BCAR3: variants seen among roughly 807,000 people sequenced by gnomAD.
BCAR3 encodes BCAR3 adaptor protein, NSP family member.
A neutral mutation model predicts 80.1 loss-of-function variants in BCAR3; 37 were observed. The ratio of observed to expected loss-of-function variants is 0.46; its 90% CI spans 0.36 to 0.61. The LOEUF (loss-of-function observed/expected upper bound fraction) is 0.61. Among genes scored for constraint, BCAR3 ranks in the 20% least tolerant of loss-of-function variants. The pLI is 0.00. For missense variants in BCAR3, 978 were observed against 1,068.2 expected, an observed-to-expected ratio of 0.92 and a Z score of 1.18; for synonymous variants, 389 against 418.9, an observed-to-expected ratio of 0.93 and a Z score of 0.87.
intron 3 of BCAR3, among the ~76,000 whole-genome samples, chr1:93,616,019 A>G (rs564925284): frequency 3.3e-5 from 5 of 152,338 alleles, no homozygotes; most frequent in African/African-American, 9.6e-5. Context: ...AATGAAATGC[A>G]TTCCTGAAAG....
chr1:93,759,511 G>A (rs1651859062), intron 2 of BCAR3, among the ~76,000 whole-genome samples: 1 of 152,146 alleles, frequency 6.6e-6, no homozygotes, highest in East Asian at 1.9e-4. Context: ...GTGGAGCAGA[G>A]AGTACCATTG....
chr1:93,638,220 G>C (rs540856168), intron 3 of BCAR3, among the ~76,000 whole-genome samples: 118 of 152,334 alleles, frequency 7.7e-4, no homozygotes, highest in African/African-American at 2.7e-3. Context: ...CTGTACTCCA[G>C]CCTGGGCAAC....
intron 2 of BCAR3, chr1:93,775,425 C>A (rs1054125022): frequency 6.6e-6 from 1 of 152,246 alleles, no homozygotes; most frequent in South Asian, 2.1e-4. Flanking sequence ...GCCCAGCACG[C>A]GCGCGGCTGG....
chr1:93,639,967 T>C (rs534997667), intron 3 of BCAR3, among the ~76,000 whole-genome samples: 1 of 152,292 alleles, frequency 6.6e-6, no homozygotes, highest in South Asian at 2.1e-4. Context: ...TGCTTGTTTT[T>C]TTCGGCCAAT....
At chr1:93,569,129 TAA>T (rs1475922252) in intron 9 of BCAR3, among the ~76,000 whole-genome samples, 1 of 152,254 alleles carries the variant, frequency 6.6e-6, no homozygotes, top group Non-Finnish European at 1.5e-5. Context: ...AAGGCTATGT[TAA>T]GTTTTCTACA....
At chr1:93,750,678 T>C (rs1651527562) in intron 2 of BCAR3, among the ~76,000 whole-genome samples, 1 of 152,180 alleles carries the variant, frequency 6.6e-6, no homozygotes, top group South Asian at 2.1e-4. Context: ...GAAGTCTAAC[T>C]ACCCTGAGAC....
intron 1 of BCAR3, among the ~76,000 whole-genome samples, chr1:93,680,398 C>G (rs1447819530): frequency 1.3e-5 from 2 of 152,202 alleles, no homozygotes; most frequent in East Asian, 3.9e-4. Flanking sequence ...CCCTGGCACG[C>G]CCGCAGACAA....
intron 3 of BCAR3, among the ~76,000 whole-genome samples, chr1:93,697,227 G>A (rs879317793): frequency 6.6e-6 from 1 of 152,256 alleles, no homozygotes; most frequent in Non-Finnish European, 1.5e-5. Context: ...TTTAAAAGGG[G>A]GAGAGATGGA....
intron 2 of BCAR3, among the ~76,000 whole-genome samples, chr1:93,780,735 T>C (rs1652735623): frequency 6.6e-6 from 1 of 152,254 alleles, no homozygotes; most frequent in Non-Finnish European, 1.5e-5. Flanking sequence ...TGGTTAATAA[T>C]ACATTTTGTT....
chr1:93,705,673 G>A (rs4847250), intron 3 of BCAR3, among the ~76,000 whole-genome samples: 2 of 152,198 alleles, frequency 1.3e-5, no homozygotes, highest in African/African-American at 4.8e-5. Flanking sequence ...CTTACGGCAG[G>A]TTATTCAGCC....
chr1:93,771,821 T>C (rs142044649), intron 2 of BCAR3, among the ~76,000 whole-genome samples: 1 of 152,234 alleles, frequency 6.6e-6, no homozygotes, highest in East Asian at 1.9e-4. Flanking sequence ...AGCTATCCCT[T>C]CTCCACAATA....
intron 2 of BCAR3, among the ~76,000 whole-genome samples, chr1:93,727,126 C>T (rs1033051317): frequency 2.6e-5 from 4 of 152,148 alleles, no homozygotes; most frequent in Non-Finnish European, 5.9e-5. Context: ...TCATTGTAAG[C>T]CTGCATTGTC....
At position 93,779,929 on chromosome 1, in the gene BCAR3, GT is replaced by G. The variant is rs548091773; in HGVS notation, c.-63+65637del. Among the ~76,000 whole-genome samples, 23 of 152,176 alleles carry G rather than the reference GT, an allele frequency of 1.5e-4. No homozygotes were observed. The South Asian group carries it at 4.8e-3, about 32-fold the overall frequency. Reference sequence around the variant, plus strand: ...GACCAGCTAATCCTAGGTGACTCCGGTTCCTGTTGCCCTTGGCCTCCACCCA... The same window carrying G: ...GACCAGCTAATCCTAGGTGACTCCGGTCCTGTTGCCCTTGGCCTCCACCCA... On this transcript the variant is annotated intron_variant, in intron 2 of 13. Coordinates refer to the BCAR3 transcript ENST00000370244.
chr1:93,762,292 G>A (rs1651974015), intron 2 of BCAR3, among the ~76,000 whole-genome samples: 1 of 143,866 alleles, frequency 7.0e-6, no homozygotes, highest in Non-Finnish European at 1.5e-5. Flanking sequence ...AAGCCTCCAT[G>A]CACATCAACT....
chr1:93,712,031 T>G (rs1650043144), intron 2 of BCAR3, among the ~76,000 whole-genome samples: 1 of 152,210 alleles, frequency 6.6e-6, no homozygotes, highest in Non-Finnish European at 1.5e-5. Flanking sequence ...AAATTTCGTT[T>G]ACTGACTGTG....
intron 2 of BCAR3, among the ~76,000 whole-genome samples, chr1:93,672,423 G>C (rs925064990): frequency 1.3e-5 from 2 of 151,794 alleles, no homozygotes; most frequent in Non-Finnish European, 2.9e-5. Context: ...TCTGTGTCTA[G>C]TACATGGTAG....
chr1:93,736,219 C>T (rs936285346), intron 2 of BCAR3, among the ~76,000 whole-genome samples: 1 of 152,184 alleles, frequency 6.6e-6, no homozygotes, highest in Non-Finnish European at 1.5e-5. Flanking sequence ...TGGAGTTTCA[C>T]TCTTGTTGCC....
Position 93,845,595 on chromosome 1 carries a change from T to A in BCAR3, c.-91A>T, listed in dbSNP as rs561176413. On this transcript the variant is annotated 5_prime_UTR_variant, in exon 2 of 14. Transcript: ENST00000370244. ...TTGGAGAAGCGATTCACAATTCGCA[T>A]CCTTGCACGTTCTTCCTAGATGTGC... is the stretch of plus-strand genomic sequence containing the variant. 7.3e-5 allele frequency: 11 copies of A among 151,516 alleles called. No homozygotes were observed. In the South Asian group the frequency reaches 2.3e-3, roughly 32 times the overall value. 9.4% of individuals were successfully genotyped at this position (151,516 alleles called of 1,614,324 possible).
At chr1:93,565,644 C>T (rs966547206) in intron 11 of BCAR3, among the ~76,000 whole-genome samples, 1 of 152,170 alleles carries the variant, frequency 6.6e-6, no homozygotes, top group Non-Finnish European at 1.5e-5. Flanking sequence ...TTGGCTTTGT[C>T]TAAGTAGGCA....
Sources: allele counts gnomAD v4.1 joint callset (sites outside exome capture counted in the v4.1 genomes callset), GRCh38; gene constraint gnomAD v4.1.1; transcripts MANE v1.5; gene names NCBI Gene and HGNC (gene_info 2026-07-23, HGNC 2026-07-21).